The following MICU1 variants were observed in gnomAD, a reference collection of about 807,000 sequenced individuals.
MICU1 encodes calcium uptake protein 1, mitochondrial.
In MICU1, 45 loss-of-function variants were observed where a neutral mutation model predicts 56.8. The ratio of observed to expected loss-of-function variants is 0.79; its 90% CI spans 0.62 to 1.02. The LOEUF (loss-of-function observed/expected upper bound fraction) is 1.02, where lower values mean the gene tolerates loss of function less well. MICU1 is among the 50% of genes least tolerant of loss of function. The pLI is 0.00. For missense variants in MICU1, 504 were observed against 587.1 expected (o/e 0.86, Z 1.46); for synonymous variants, 186 against 195.1 (o/e 0.95, Z 0.39).
chr10:72,569,223 A>ATTTT (rs1564939690), intron 1 of MICU1, among the ~76,000 whole-genome samples: 5 of 39,242 alleles, frequency 1.3e-4, no homozygotes, highest in African/African-American at 5.3e-4. Flanking sequence ...ATATATATAT[A>ATTTT]TATATATATA....
intron 6 of MICU1, among the ~76,000 whole-genome samples, chr10:72,489,856 A>T (rs571536750): frequency 1.3e-5 from 2 of 152,360 alleles, no homozygotes; most frequent in East Asian, 3.9e-4. Context: ...GAAGAATAGG[A>T]AGATAAATCA....
rs569800475 is a variant in MICU1, at chr10:72,510,248, G to A, written c.538-1979C>T. 5.3e-5 allele frequency among the ~76,000 whole-genome samples: 8 copies of A among 152,038 alleles called. No homozygotes were observed. In the East Asian group the frequency reaches 1.5e-3, roughly 29 times the overall value. Reference sequence around the variant, plus strand: ...ACATAAGGGCAAATCTAATTTTGTTGGTAACAAAATTTGAGTTTGACATAA... The same window carrying A: ...ACATAAGGGCAAATCTAATTTTGTTAGTAACAAAATTTGAGTTTGACATAA... On this transcript the variant is annotated intron_variant, in intron 5 of 11. Coordinates refer to ENST00000361114, the MANE Select transcript of MICU1 (RefSeq NM_001195518.2).
At chr10:72,396,869 T>C (rs1026112531) in intron 10 of MICU1, among the ~76,000 whole-genome samples, 19 of 152,148 alleles carry the variant, frequency 1.2e-4, no homozygotes, top group African/African-American at 4.6e-4. Flanking sequence ...CTTCAGGATA[T>C]TATCCAGGAG....
chr10:72,372,531 T>C (rs1001487708), intron 11 of MICU1, among the ~76,000 whole-genome samples: 2 of 151,638 alleles, frequency 1.3e-5, no homozygotes, highest in African/African-American at 4.8e-5. Context: ...ACAGGATTCT[T>C]ACACTTTGTA....
chr10:72,504,916 C>T (rs1867193114), intron 6 of MICU1, among the ~76,000 whole-genome samples: 1 of 151,922 alleles, frequency 6.6e-6, no homozygotes, highest in South Asian at 2.1e-4. Flanking sequence ...CAAATCAAAG[C>T]TACAATGAGA....
At chr10:72,516,282 G>T (rs1000523252) in intron 5 of MICU1, among the ~76,000 whole-genome samples, 6 of 151,986 alleles carry the variant, frequency 3.9e-5, no homozygotes, top group Admixed American at 3.9e-4. Flanking sequence ...TTTTGTTGGG[G>T]TTATTTTTTT....
At chr10:72,526,075 C>G (rs185676893) in intron 5 of MICU1, among the ~76,000 whole-genome samples, 21 of 152,054 alleles carry the variant, frequency 1.4e-4, no homozygotes, top group Admixed American at 1.3e-4. Context: ...ATACCAAAGC[C>G]AGATTTTTTT....
chr10:72,557,716 G>GTCTA (rs1189159134), intron 3 of MICU1, among the ~76,000 whole-genome samples: 2 of 152,218 alleles, frequency 1.3e-5, no homozygotes, highest in South Asian at 4.1e-4. Flanking sequence ...ATAAGTGAAT[G>GTCTA]TCTACATACA....
At chr10:72,378,748 C>T (rs535790373) in intron 10 of MICU1, among the ~76,000 whole-genome samples, 1 of 152,216 alleles carries the variant, frequency 6.6e-6, no homozygotes, top group East Asian at 1.9e-4. Flanking sequence ...CAGTTCTGGC[C>T]CCACCACCAA....
intron 8 of MICU1, among the ~76,000 whole-genome samples, chr10:72,465,165 T>G (rs1394253837): frequency 2.0e-5 from 3 of 152,152 alleles, no homozygotes; most frequent in Non-Finnish European, 4.4e-5. Context: ...TACGCCTGGC[T>G]AATTTTTTTG....
intron 11 of MICU1, among the ~76,000 whole-genome samples, chr10:72,373,272 T>C (rs528989314): frequency 6.6e-6 from 1 of 151,926 alleles, no homozygotes; most frequent in Admixed American, 6.6e-5. Flanking sequence ...CTCAAACTCC[T>C]GGGCTCAAGT....
At chr10:72,533,292 CTT>C (rs1203839510) in intron 5 of MICU1, 1 of 437,062 alleles carries the variant, frequency 2.3e-6, no homozygotes, top group Admixed American at 3.9e-5. Flanking sequence ...ATAGTGCAAA[CTT>C]ATAGGCAAAT....
chr10:72,607,552 G>A (rs886328638), intron 1 of MICU1, among the ~76,000 whole-genome samples: 26 of 148,910 alleles, frequency 1.7e-4, no homozygotes, highest in Non-Finnish European at 2.8e-4. Flanking sequence ...CAGGGGAATC[G>A]CTTGAACCTG....
chr10:72,505,522 C>T (rs1410273334), intron 6 of MICU1, among the ~76,000 whole-genome samples: 1 of 152,130 alleles, frequency 6.6e-6, no homozygotes, highest in African/African-American at 2.4e-5. Context: ...GTATGTTCAT[C>T]GCAGATTTAT....
chr10:72,575,531 A>G (rs1292680181), intron 1 of MICU1, among the ~76,000 whole-genome samples: 1 of 152,194 alleles, frequency 6.6e-6, no homozygotes, highest in Non-Finnish European at 1.5e-5. Context: ...CCTGTTTCAA[A>G]CAAGTCCATT....
intron 5 of MICU1, among the ~76,000 whole-genome samples, chr10:72,530,276 T>C (rs1053090218): frequency 6.7e-6 from 1 of 149,986 alleles, no homozygotes; most frequent in Non-Finnish European, 1.5e-5. Context: ...GAGGTTGCAG[T>C]GGGCCGAGAT....
intron 8 of MICU1, among the ~76,000 whole-genome samples, chr10:72,427,970 T>G (rs1371455019): frequency 6.6e-6 from 1 of 152,002 alleles, no homozygotes; most frequent in Non-Finnish European, 1.5e-5. Flanking sequence ...ACAAGGAAAG[T>G]TCTCGACTGT....
chr10:72,523,931 A>C, intron 5 of MICU1: 1 of 1,479,498 alleles, frequency 6.8e-7, no homozygotes. Context: ...AAAATAATAA[A>C]GTCTTTCTAG....
At chr10:72,471,557 C>G (rs1426544433) in intron 8 of MICU1, among the ~76,000 whole-genome samples, 1 of 151,124 alleles carries the variant, frequency 6.6e-6, no homozygotes, top group Non-Finnish European at 1.5e-5. Flanking sequence ...TATGTTTTTG[C>G]TAAAAGTTTT....
Sources: gnomAD v4.1 joint callset for allele counts (sites outside exome capture counted in the v4.1 genomes callset) on GRCh38, gnomAD v4.1.1 for gene constraint, MANE v1.5 for transcripts, NCBI Gene and HGNC (gene_info 2026-07-23, HGNC 2026-07-21) for gene names.